The following SLC20A2 variants were observed in gnomAD, a reference collection of about 807,000 sequenced individuals.
SLC20A2 encodes solute carrier family 20 member 2, also known as sodium-dependent phosphate transporter 2.
SLC20A2 carries 30 observed loss-of-function variants against 61.0 expected under a neutral mutation model. The ratio of observed to expected loss-of-function variants is 0.49; its 90% CI spans 0.37 to 0.67. The LOEUF (loss-of-function observed/expected upper bound fraction) is 0.67. SLC20A2 is among the 30% of genes least tolerant of loss of function. SLC20A2 has a pLI of 0.00. For missense variants in SLC20A2, 626 were observed against 866.4 expected (o/e 0.72, Z 3.48); for synonymous variants, 351 against 353.3 (o/e 0.99, Z 0.07).
chr8:42,484,917 G>A (rs1302876457), intron 1 of SLC20A2: 3 of 413,862 alleles, frequency 7.2e-6, no homozygotes, highest in Non-Finnish European at 1.5e-5. Flanking sequence ...GACAGCAGCA[G>A]CACAAAAAGG....
chr8:42,445,943 TGAGA>T (rs1805181444), intron 5 of SLC20A2, among the ~76,000 whole-genome samples: 1 of 152,160 alleles, frequency 6.6e-6, no homozygotes, highest in African/African-American at 2.4e-5. Context: ...TGAAATCAAT[TGAGA>T]AATAAAAGGA....
chr8:42,432,011 C>G (rs1803907255), intron 8 of SLC20A2, among the ~76,000 whole-genome samples: 1 of 152,232 alleles, frequency 6.6e-6, no homozygotes, highest in African/African-American at 2.4e-5. Flanking sequence ...AGCATCTGTT[C>G]TGCAGCCCAT....
At position 42,534,108 on chromosome 8, in the gene SLC20A2, C is replaced by T. The variant is rs181748361; in HGVS notation, c.-265+7713G>A. On this transcript the variant is annotated intron_variant, in intron 1 of 10. Transcript: ENST00000342228. ...GAGGTGGGTGGATCACCTGAGGTTG[C>T]GAGTTCAAGACCAGCCTGGCCAATA... 9.2e-3 allele frequency among the ~76,000 whole-genome samples: 1,396 copies of T among 151,704 alleles called. 6 individuals are homozygous for T. Among genetic ancestry groups the T allele is most frequent in the Non-Finnish European group, 0.014 (958 of 67,884 alleles).
At chr8:42,530,925 G>T (rs1812279361) in intron 1 of SLC20A2, among the ~76,000 whole-genome samples, 2 of 152,070 alleles carry the variant, frequency 1.3e-5, no homozygotes, top group African/African-American at 4.8e-5. Context: ...TTACCATGTT[G>T]GCCAGGCTGG....
chr8:42,527,153 C>A (rs1812020031), intron 1 of SLC20A2, among the ~76,000 whole-genome samples: 1 of 151,582 alleles, frequency 6.6e-6, no homozygotes, highest in African/African-American at 2.4e-5. Flanking sequence ...CGCCTGTAAC[C>A]CCAGCACTTT....
In SLC20A2 at chr8:42,437,323, G is replaced by C; in HGVS notation, c.1189C>G (p.Pro397Ala). 6.2e-7 allele frequency: 1 copy of C among 1,614,146 alleles called. No homozygotes were observed. The change falls in exon 8 of 11, where the codon CCA becomes GCA. Residue 397 changes from proline (P) to alanine (A), a missense_variant. Physicochemically the swap from Pro to Ala is conservative, Grantham distance 27. Transcript: ENST00000520262. This position sits in a 1 kb window ranked among gnomAD's most constrained non-coding sequence, Gnocchi z 6.4. ...TCYTAAICGL[P>A]VHATFRAADS... is the part of the protein sequence containing the mutation. ...GCAGCTCGAAAGGTGGCGTGCACTGGCAGCCCACAAATGGCTGCGGTGTAG... is the reference window on the plus strand; with the variant it reads ...GCAGCTCGAAAGGTGGCGTGCACTGCCAGCCCACAAATGGCTGCGGTGTAG...
intron 5 of SLC20A2, among the ~76,000 whole-genome samples, chr8:42,455,233 A>ATATAT (rs1370917032): frequency 1.9e-5 from 2 of 107,986 alleles, no homozygotes; most frequent in African/African-American, 7.6e-5. Context: ...TAAAAAAAAA[A>ATATAT]AAAAAAAAAT....
intron 10 of SLC20A2, among the ~76,000 whole-genome samples, chr8:42,426,132 T>C (rs1803396428): frequency 6.6e-6 from 1 of 152,136 alleles, no homozygotes; most frequent in Middle Eastern, 3.2e-3. Context: ...TGGATGTAAA[T>C]CTCTTAGTCA....
chr8:42,429,682 T>G (rs1244576895), intron 9 of SLC20A2, among the ~76,000 whole-genome samples: 1 of 152,196 alleles, frequency 6.6e-6, no homozygotes, highest in Non-Finnish European at 1.5e-5. Context: ...TGCTGAGAGC[T>G]GGGGTGGCCA....
chr8:42,426,445 C>A (rs1005811289), intron 10 of SLC20A2, among the ~76,000 whole-genome samples: 4 of 152,314 alleles, frequency 2.6e-5, no homozygotes, highest in Non-Finnish European at 5.9e-5. Context: ...CCTGTAATCC[C>A]AGCACTTTGG....
At chr8:42,528,189 C>T (rs766101371) in intron 1 of SLC20A2, among the ~76,000 whole-genome samples, 34 of 152,088 alleles carry the variant, frequency 2.2e-4, no homozygotes, top group African/African-American at 8.0e-4. Flanking sequence ...TGACAGGGCG[C>T]GGTGGCTCAC....
chr8:42,532,766 G>A (rs1364869234), intron 1 of SLC20A2, among the ~76,000 whole-genome samples: 1 of 152,198 alleles, frequency 6.6e-6, no homozygotes, highest in Non-Finnish European at 1.5e-5. Flanking sequence ...GGGAGACCAA[G>A]GCGGTGGAGA....
chr8:42,421,096 C>CAATA (rs1470241626), intron 10 of SLC20A2, among the ~76,000 whole-genome samples: 15 of 152,206 alleles, frequency 9.9e-5, no homozygotes, highest in Admixed American at 6.5e-4. Flanking sequence ...TTTTCCCATC[C>CAATA]AATAGCACAT....
rs142007276 is a variant in SLC20A2, at chr8:42,534,214, G to A, written c.-265+7607C>T. 7.2e-4 allele frequency among the ~76,000 whole-genome samples: 110 copies of A among 152,178 alleles called. 2 individuals are homozygous for A. In the East Asian group the frequency reaches 0.017, roughly 23 times the overall value. ...GAATTACTTGTACCTGGGAGGCAGCGGTTGCAGTTAGCCGCGATCGCATCA... is the reference window on the plus strand; with the variant it reads ...GAATTACTTGTACCTGGGAGGCAGCAGTTGCAGTTAGCCGCGATCGCATCA... On this transcript the variant is annotated intron_variant, in intron 1 of 10. Transcript: ENST00000342228.
intron 1 of SLC20A2, chr8:42,535,265 C>G (rs926542829): frequency 1.3e-5 from 2 of 152,054 alleles, no homozygotes; most frequent in Non-Finnish European, 2.9e-5. Context: ...ATGTACTGGT[C>G]TCTGCTGCAG....
intron 6 of SLC20A2, among the ~76,000 whole-genome samples, chr8:42,441,223 C>A (rs1244986234): frequency 6.7e-6 from 1 of 150,218 alleles, no homozygotes; most frequent in Non-Finnish European, 1.5e-5. Flanking sequence ...AGCGTGATCT[C>A]CGCTCACTGT....
At chr8:42,527,838 G>T (rs976330120) in intron 1 of SLC20A2, among the ~76,000 whole-genome samples, 1 of 151,900 alleles carries the variant, frequency 6.6e-6, no homozygotes. Context: ...TAGAATAATG[G>T]CCAAAATATA....
At chr8:42,526,132 C>T (rs947425393) in intron 1 of SLC20A2, among the ~76,000 whole-genome samples, 1 of 152,128 alleles carries the variant, frequency 6.6e-6, no homozygotes. Context: ...GCTGGGCAAA[C>T]ACGACCCCAG....
chr8:42,459,692 T>C (rs2131157101), intron 5 of SLC20A2, among the ~76,000 whole-genome samples: 1 of 152,334 alleles, frequency 6.6e-6, no homozygotes, highest in African/African-American at 2.4e-5. Context: ...TTAAGACAAG[T>C]AAATGCATTT....
Sources: allele counts gnomAD v4.1 joint callset (sites outside exome capture counted in the v4.1 genomes callset), GRCh38; gene constraint gnomAD v4.1.1; non-coding constraint Gnocchi (gnomAD v3.1); transcripts MANE v1.5; gene names NCBI Gene and HGNC (gene_info 2026-07-23, HGNC 2026-07-21).